PSD3: variants seen among roughly 807,000 people sequenced by gnomAD.
The protein encoded by PSD3 is PH and SEC7 domain-containing protein 3.
In PSD3, 49 loss-of-function variants were observed where a neutral mutation model predicts 105.5. That is an observed-to-expected ratio of 0.46 (90% CI 0.37 to 0.59). The LOEUF is 0.59. Among genes scored for constraint, PSD3 ranks in the 20% least tolerant of loss-of-function variants. The probability of loss-of-function intolerance (pLI) is 0.00; values close to 1 mark genes in which losing one functional copy is unlikely to be tolerated. For missense variants in PSD3, 1,561 were observed against 1,263.8 expected, an observed-to-expected ratio of 1.24 and a Z score of -3.57; for synonymous variants, 557 against 457.8, an observed-to-expected ratio of 1.22 and a Z score of -2.77.
intron 7 of PSD3, among the ~76,000 whole-genome samples, chr8:18,800,165 T>G (rs552941410): frequency 4.6e-5 from 7 of 152,318 alleles, no homozygotes; most frequent in Middle Eastern, 3.4e-3. Context: ...AACAGCCAAT[T>G]AAGTCACGAA....
intron 9 of PSD3, among the ~76,000 whole-genome samples, chr8:18,760,649 A>G (rs1806439529): frequency 6.6e-6 from 1 of 152,210 alleles, no homozygotes; most frequent in Non-Finnish European, 1.5e-5. Context: ...ATGAACATTT[A>G]GGATGATTCC....
chr8:18,682,907 T>C (rs1334068688), intron 9 of PSD3, among the ~76,000 whole-genome samples: 2 of 152,012 alleles, frequency 1.3e-5, no homozygotes, highest in Admixed American at 6.5e-5. Flanking sequence ...CTCCTGACGC[T>C]CTCTCTGCAC....
chr8:19,074,403 A>G (rs1001589280), intron 1 of PSD3, among the ~76,000 whole-genome samples: 2 of 151,988 alleles, frequency 1.3e-5, no homozygotes, highest in Admixed American at 1.3e-4. Flanking sequence ...CAGACACACA[A>G]TCTAGGTCCA....
At chr8:18,960,430 G>C (rs1209605085) in intron 1 of PSD3, among the ~76,000 whole-genome samples, 1 of 152,158 alleles carries the variant, frequency 6.6e-6, no homozygotes, top group African/African-American at 2.4e-5. Context: ...ATTTAGAAAA[G>C]GGTCCTCAAT....
chr8:18,660,613 C>T (rs79457198), intron 9 of PSD3, among the ~76,000 whole-genome samples: 3,616 of 152,216 alleles, frequency 0.024, 112 homozygotes, highest in East Asian at 0.13. Context: ...GAAAATCAAC[C>T]GAGGAATTTT....
At position 19,084,452 on chromosome 8, in the gene PSD3, GC is replaced by G. The variant is rs1393782916; in HGVS notation, c.77del (p.Gly26AlafsTer31). 4.4e-6 allele frequency: 2 copies of G among 455,676 alleles called. No homozygotes were observed. The highest frequency in any genetic ancestry group is 8.8e-6 in the Non-Finnish European group (2 of 226,676). The allele number at this position is 455,676 out of a possible 1,614,324, so 28.2% of individuals were successfully genotyped here. ...AGGCATCCCTGCATCGGGGGTCCAT[GC>G]CCCACAGATCCTGGGTGGCAGAAGT... is the stretch of plus-strand genomic sequence containing the variant. On this transcript the variant is annotated frameshift_variant, in exon 1 of 2. Coordinates refer to the PSD3 transcript ENST00000521475. LOFTEE classifies it high-confidence loss of function.
chr8:19,002,019 C>T (rs568573495), intron 1 of PSD3: 3 of 154,908 alleles, frequency 1.9e-5, no homozygotes, highest in African/African-American at 4.8e-5. Context: ...AGGGCCAGGA[C>T]TGGAGCTGAG....
At chr8:18,854,721 T>G (rs1815865306) in intron 4 of PSD3, among the ~76,000 whole-genome samples, 1 of 152,212 alleles carries the variant, frequency 6.6e-6, no homozygotes, top group African/African-American at 2.4e-5. Flanking sequence ...TTTAGCTCTG[T>G]TAAATTCACA....
chr8:18,779,216 C>CT (rs1249196982), intron 8 of PSD3, among the ~76,000 whole-genome samples: 3 of 152,080 alleles, frequency 2.0e-5, no homozygotes, highest in African/African-American at 7.2e-5. Flanking sequence ...ATCTGTTTCC[C>CT]GTAGGTTCCA....
At chr8:18,797,220 C>A (rs1233004370) in intron 8 of PSD3, among the ~76,000 whole-genome samples, 1 of 152,112 alleles carries the variant, frequency 6.6e-6, no homozygotes, top group African/African-American at 2.4e-5. Context: ...TAGACAATCC[C>A]AAGTATATCG....
chr8:19,061,493 A>C (rs1036399946), intron 1 of PSD3, among the ~76,000 whole-genome samples: 6 of 152,192 alleles, frequency 3.9e-5, no homozygotes, highest in Admixed American at 2.0e-4. Context: ...TGAACTTGTT[A>C]AATCATGCAT....
intron 9 of PSD3, among the ~76,000 whole-genome samples, chr8:18,708,095 T>C (rs1802008120): frequency 6.6e-6 from 1 of 152,214 alleles, no homozygotes; most frequent in Non-Finnish European, 1.5e-5. Flanking sequence ...AGTCTGATCC[T>C]GGAGACAGGG....
intron 15 of PSD3, among the ~76,000 whole-genome samples, chr8:18,552,190 G>C (rs1341071506): frequency 2.6e-5 from 4 of 152,136 alleles, no homozygotes; most frequent in Non-Finnish European, 4.4e-5. Flanking sequence ...CTGACCTTCA[G>C]CAATTCCCCT....
At chr8:18,721,730 G>C (rs1585727544) in intron 9 of PSD3, among the ~76,000 whole-genome samples, 2 of 152,288 alleles carry the variant, frequency 1.3e-5, no homozygotes, top group East Asian at 1.9e-4. Context: ...GCATTTGCTA[G>C]TGTAACTGTT....
At chr8:19,077,283 A>G (rs1829489040) in intron 1 of PSD3, among the ~76,000 whole-genome samples, 1 of 152,176 alleles carries the variant, frequency 6.6e-6, no homozygotes, top group South Asian at 2.1e-4. Context: ...AATTCCCTGG[A>G]GCTTTTTACC....
intron 2 of PSD3, among the ~76,000 whole-genome samples, chr8:18,925,162 C>T (rs1022719202): frequency 1.3e-5 from 2 of 152,154 alleles, no homozygotes; most frequent in African/African-American, 4.8e-5. Context: ...AAAAACACAG[C>T]TGGGCCCTGT....
At chr8:18,993,739 G>A (rs1686664296) in intron 1 of PSD3, among the ~76,000 whole-genome samples, 1 of 151,882 alleles carries the variant, frequency 6.6e-6, no homozygotes, top group African/African-American at 2.4e-5. Flanking sequence ...AATTTAAATC[G>A]AAGATCAATC....
chr8:18,682,692 A>C (rs1349723591), intron 9 of PSD3, among the ~76,000 whole-genome samples: 1 of 152,134 alleles, frequency 6.6e-6, no homozygotes, highest in Non-Finnish European at 1.5e-5. Flanking sequence ...AGTCACACTA[A>C]GGTATTTTGC....
At chr8:18,670,097 G>T (rs1799692175) in intron 9 of PSD3, among the ~76,000 whole-genome samples, 1 of 152,128 alleles carries the variant, frequency 6.6e-6, no homozygotes, top group African/African-American at 2.4e-5. Flanking sequence ...TTCAAATAAG[G>T]TCACTGGAAA....
Sources: allele counts gnomAD v4.1 joint callset (sites outside exome capture counted in the v4.1 genomes callset), GRCh38; gene constraint gnomAD v4.1.1; transcripts MANE v1.5; gene names NCBI Gene and HGNC (gene_info 2026-07-23, HGNC 2026-07-21).